The following ZFR variants were observed in gnomAD, a reference collection of about 807,000 sequenced individuals.
ZFR encodes the protein zinc finger RNA binding protein.
In ZFR, 19 loss-of-function variants were observed where a neutral mutation model predicts 130.7. The ratio of observed to expected loss-of-function variants is 0.15; its 90% CI spans 0.10 to 0.21. The LOEUF is 0.21. Ranked by LOEUF, ZFR falls within the 10% of genes least tolerant of loss-of-function variation. The pLI, the probability that ZFR is intolerant of heterozygous loss-of-function variation, is 1.00. For synonymous variants in ZFR, 466 were observed against 456.9 expected (o/e 1.02, Z -0.25); for missense variants, 872 against 1,321.5 (o/e 0.66, Z 5.27).
intron 2 of ZFR, among the ~76,000 whole-genome samples, chr5:32,432,951 C>G (rs1259282729): frequency 6.6e-6 from 1 of 150,912 alleles, no homozygotes; most frequent in Non-Finnish European, 1.5e-5. Context: ...CCAGGCTGGT[C>G]TCAAACTCAG....
intron 14 of ZFR, 141 bp downstream of exon 14, chr5:32,387,408 C>T: frequency 1.2e-6 from 1 of 854,606 alleles, no homozygotes; most frequent in Non-Finnish European, 1.8e-6. Flanking sequence ...TCAGTTTGCA[C>T]AATCAAACAA....
rs535864840 is a variant in ZFR, at chr5:32,387,475, C to A, written c.2499+74G>T. The A allele has an allele frequency of 3.9e-6, 6 of 1,554,512 alleles. No individual in the cohort carries two copies. The African/African-American group carries it at 5.5e-5, about 14-fold the overall frequency. ...TTTAAAGGCTGGCTTAGGTTTAAAC[C>A]GAAGCACAGTCAGTCCCGCCAAAAA... On this transcript the variant is annotated intron_variant, in intron 14 of 19. Coordinates refer to ENST00000265069, the MANE Select transcript of ZFR (RefSeq NM_016107.5).
At chr5:32,368,989 C>T (rs1033064306) in intron 17 of ZFR, among the ~76,000 whole-genome samples, 1 of 152,098 alleles carries the variant, frequency 6.6e-6, no homozygotes, top group Admixed American at 6.6e-5. Context: ...ATTTGTAAGC[C>T]CATTTGCAGG....
At chr5:32,426,467 ATAG>A (rs1349336239) in intron 2 of ZFR, among the ~76,000 whole-genome samples, 1 of 152,210 alleles carries the variant, frequency 6.6e-6, no homozygotes, top group African/African-American at 2.4e-5. Context: ...TGAAAAGCCC[ATAG>A]CTAACCTCAC....
chr5:32,397,396 A>C (rs1753337743), intron 9 of ZFR, 58 bp from the exon 10 acceptor site: 6 of 1,572,194 alleles, frequency 3.8e-6, no homozygotes, highest in African/African-American at 2.7e-5. Flanking sequence ...TCATTCATAA[A>C]CCCCCACATA....
chr5:32,431,101 G>GT (rs1195609438), intron 2 of ZFR, among the ~76,000 whole-genome samples: 2 of 152,140 alleles, frequency 1.3e-5, no homozygotes, highest in Non-Finnish European at 2.9e-5. Flanking sequence ...AGGAAAACCT[G>GT]TTTTTTTAGA....
intron 9 of ZFR, among the ~76,000 whole-genome samples, chr5:32,398,561 C>A (rs1753370911): frequency 1.3e-5 from 2 of 152,200 alleles, no homozygotes; most frequent in Admixed American, 1.3e-4. Flanking sequence ...TTGAGATAAT[C>A]AAATCTTACT....
chr5:32,413,528 A>G (rs1202136743), intron 5 of ZFR, among the ~76,000 whole-genome samples: 1 of 151,902 alleles, frequency 6.6e-6, no homozygotes, highest in Admixed American at 6.6e-5. Flanking sequence ...AAATAATAAT[A>G]TATTACTCAT....
chr5:32,383,894 G>A (rs1752983807), intron 15 of ZFR: 1 of 432,286 alleles, frequency 2.3e-6, no homozygotes, highest in African/African-American at 2.0e-5. Context: ...TCAGTGTCTT[G>A]AAGCAAAATC....
intron 9 of ZFR, among the ~76,000 whole-genome samples, chr5:32,399,063 C>T (rs1049611874): frequency 6.6e-6 from 1 of 152,002 alleles, no homozygotes; most frequent in Non-Finnish European, 1.5e-5. Context: ...ATCATGAGGT[C>T]AGGAGTTCGA....
At chr5:32,402,128 T>A (rs1244325654) in intron 8 of ZFR, among the ~76,000 whole-genome samples, 1 of 151,422 alleles carries the variant, frequency 6.6e-6, no homozygotes, top group Non-Finnish European at 1.5e-5. Context: ...ACTGCCCACA[T>A]GGGAATGAAT....
intron 15 of ZFR, among the ~76,000 whole-genome samples, chr5:32,380,650 C>CTTT (rs55724344): frequency 4.1e-5 from 4 of 97,046 alleles, no homozygotes; most frequent in Non-Finnish European, 6.0e-5. Context: ...ACAGGCATTT[C>CTTT]TTTTTTTTTT....
chr5:32,414,846 T>A, intron 5 of ZFR, 123 bp downstream of exon 5: 1 of 854,274 alleles, frequency 1.2e-6, no homozygotes, highest in Non-Finnish European at 1.8e-6. Context: ...CCTATATTTA[T>A]GTCTATCAAT....
At chr5:32,393,046 CA>C (rs1753217889) in intron 11 of ZFR, among the ~76,000 whole-genome samples, 5 of 152,176 alleles carry the variant, frequency 3.3e-5, no homozygotes, top group African/African-American at 9.7e-5. Flanking sequence ...CTTGCTCTTT[CA>C]TTCTAAATGT....
In ZFR at chr5:32,403,090, G is replaced by T; in HGVS notation, c.1516+16C>A. On this transcript the variant is annotated intron_variant, in intron 8 of 19. Transcript: ENST00000265069. Reference sequence around the variant, plus strand: ...CTTTGACAGAGTCAGCAGGGACAGAGAATATCAGTACTTGCCAACAAAATT... The same window carrying T: ...CTTTGACAGAGTCAGCAGGGACAGATAATATCAGTACTTGCCAACAAAATT... The T allele has an allele frequency of 6.2e-7, 1 of 1,610,066 alleles. No homozygotes were observed. The highest frequency in any genetic ancestry group is 1.1e-5 in the South Asian group (1 of 90,532).
intron 2 of ZFR, among the ~76,000 whole-genome samples, chr5:32,434,879 A>C (rs1754300259): frequency 6.6e-6 from 1 of 152,162 alleles, no homozygotes. Context: ...ACCCTGAAGG[A>C]TACCATAAAT....
At chr5:32,416,357 G>A (rs761745660) in intron 4 of ZFR, among the ~76,000 whole-genome samples, 2 of 152,170 alleles carry the variant, frequency 1.3e-5, no homozygotes, top group Non-Finnish European at 2.9e-5. Flanking sequence ...GCTCACGCCT[G>A]TAATCCCAGC....
chr5:32,368,812 A>G (rs770471593), intron 17 of ZFR, among the ~76,000 whole-genome samples: 2 of 152,210 alleles, frequency 1.3e-5, no homozygotes, highest in African/African-American at 2.4e-5. Flanking sequence ...TTATAATCAC[A>G]TTCTGAAGGT....
At chr5:32,416,386 G>A (rs369717600) in intron 4 of ZFR, among the ~76,000 whole-genome samples, 7 of 151,930 alleles carry the variant, frequency 4.6e-5, no homozygotes, top group Admixed American at 6.6e-5. Context: ...AGGCCGAAGC[G>A]GGCAGATCAC....
Sources: gnomAD v4.1 joint callset for allele counts (sites outside exome capture counted in the v4.1 genomes callset) on GRCh38, gnomAD v4.1.1 for gene constraint, MANE v1.5 for transcripts, NCBI Gene and HGNC (gene_info 2026-07-23, HGNC 2026-07-21) for gene names.